The following C8orf34 variants were observed in gnomAD, a reference collection of about 807,000 sequenced individuals.
C8orf34 encodes the protein uncharacterized protein C8orf34.
Under a neutral mutation model 68.3 loss-of-function variants are expected in C8orf34, and 65 were observed. The observed-to-expected ratio is 0.95, with a 90% CI of 0.78 to 1.17. The LOEUF (loss-of-function observed/expected upper bound fraction) is 1.17, where lower values mean the gene tolerates loss of function less well. Ranked by LOEUF, C8orf34 falls within the 50% of genes most tolerant of loss-of-function variation. C8orf34 has a pLI of 0.00. For synonymous variants in C8orf34, 244 were observed against 241.2 expected (o/e 1.01, Z -0.11); for missense variants, 664 against 655.4 (o/e 1.01, Z -0.14).
intron 1 of C8orf34, among the ~76,000 whole-genome samples, chr8:68,422,665 C>T (rs893056754): frequency 1.3e-5 from 2 of 152,232 alleles, no homozygotes; most frequent in African/African-American, 2.4e-5. Flanking sequence ...TCTCACAGCT[C>T]CACTAGGCAG....
chr8:68,466,807 T>C (rs1175422680), intron 3 of C8orf34, among the ~76,000 whole-genome samples: 1 of 148,036 alleles, frequency 6.8e-6, no homozygotes, highest in East Asian at 1.9e-4. Flanking sequence ...AGACATAAGA[T>C]TGCTAGGTCA....
chr8:68,503,467 A>T (rs1012858185), intron 5 of C8orf34, among the ~76,000 whole-genome samples: 1 of 152,120 alleles, frequency 6.6e-6, no homozygotes, highest in African/African-American at 2.4e-5. Flanking sequence ...TGTGGGTACA[A>T]AGGCATTCAT....
chr8:68,408,249 C>A (rs1809286283), intron 1 of C8orf34, among the ~76,000 whole-genome samples: 2 of 151,506 alleles, frequency 1.3e-5, no homozygotes, highest in African/African-American at 4.9e-5. Flanking sequence ...CCCATCACCC[C>A]CAGATGGGAC....
intron 10 of C8orf34, among the ~76,000 whole-genome samples, chr8:68,765,617 G>A (rs995249903): frequency 6.6e-6 from 1 of 152,040 alleles, no homozygotes; most frequent in Admixed American, 6.6e-5. Flanking sequence ...TTTCTTAGAC[G>A]ATTGGTTATG....
chr8:68,686,434 A>G (rs1432297871), intron 8 of C8orf34, among the ~76,000 whole-genome samples: 2 of 152,174 alleles, frequency 1.3e-5, no homozygotes, highest in African/African-American at 4.8e-5. Context: ...GCAATACATC[A>G]TGATCAAGTG....
intron 7 of C8orf34, among the ~76,000 whole-genome samples, chr8:68,562,495 T>C (rs905461422): frequency 6.6e-6 from 1 of 152,200 alleles, no homozygotes; most frequent in African/African-American, 2.4e-5. Flanking sequence ...CTGAGATTAT[T>C]TGGAAGTTAG....
At chr8:68,435,811 T>C (rs1810641655) in intron 1 of C8orf34, among the ~76,000 whole-genome samples, 1 of 152,194 alleles carries the variant, frequency 6.6e-6, no homozygotes, top group Admixed American at 6.5e-5. Context: ...TTGTAGTCGT[T>C]ATCTTATTTA....
rs148205627 is a variant in C8orf34 at position 68,815,395 on chromosome 8, T to C, written c.1550-491T>C. Among the ~76,000 whole-genome samples the C allele has an allele frequency of 5.3e-4, 81 of 152,204 alleles. 2 individuals carry two copies. Among genetic ancestry groups the C allele is most frequent in the African/African-American group, 1.8e-3 (76 of 41,538 alleles). ...ATATACACATACACAGACACACACA[T>C]ATATATACTACCTCATGAAATCATA... On this transcript the variant is annotated intron_variant, in intron 12 of 13. Transcript: ENST00000518698.
chr8:68,636,399 C>A (rs555439853), intron 7 of C8orf34, among the ~76,000 whole-genome samples: 390 of 147,108 alleles, frequency 2.7e-3, no homozygotes, highest in African/African-American at 8.7e-3. Context: ...CACAGTGAAA[C>A]CCTGCCTCTA....
chr8:68,733,129 T>C (rs1159972163), intron 10 of C8orf34, among the ~76,000 whole-genome samples: 3 of 150,666 alleles, frequency 2.0e-5, no homozygotes, highest in Non-Finnish European at 3.0e-5. Flanking sequence ...TCTTTATTAA[T>C]TTGAACTTTT....
chr8:68,380,902 T>C (rs950988304), intron 1 of C8orf34, among the ~76,000 whole-genome samples: 3 of 152,202 alleles, frequency 2.0e-5, no homozygotes, highest in African/African-American at 4.8e-5. Flanking sequence ...TGTGTTCCAT[T>C]ATGCCCTGAG....
intron 5 of C8orf34, among the ~76,000 whole-genome samples, chr8:68,495,145 G>A (rs1813473460): frequency 2.0e-5 from 3 of 151,542 alleles, no homozygotes; most frequent in Non-Finnish European, 4.4e-5. Flanking sequence ...AGAGTACTTA[G>A]AGCAATAGGC....
At chr8:68,587,414 A>C (rs1172640966) in intron 7 of C8orf34, among the ~76,000 whole-genome samples, 1 of 152,100 alleles carries the variant, frequency 6.6e-6, no homozygotes, top group Non-Finnish European at 1.5e-5. Context: ...AGTTTATAGA[A>C]TCTGTGTTGG....
chr8:68,423,018 C>T (rs991395510), intron 1 of C8orf34, among the ~76,000 whole-genome samples: 4 of 152,226 alleles, frequency 2.6e-5, no homozygotes, highest in African/African-American at 9.6e-5. Context: ...AGCAGGGAGA[C>T]CCTGAGCCTG....
At chr8:68,677,924 T>C (rs972788538) in intron 8 of C8orf34, among the ~76,000 whole-genome samples, 1 of 152,040 alleles carries the variant, frequency 6.6e-6, no homozygotes, top group African/African-American at 2.4e-5. Flanking sequence ...ATTGCAGAAA[T>C]TCAAAGGATT....
chr8:68,724,709 C>CAAAA, intron 10 of C8orf34, among the ~76,000 whole-genome samples: 1 of 152,076 alleles, frequency 6.6e-6, no homozygotes, highest in Non-Finnish European at 1.5e-5. Flanking sequence ...ATTTAGTAAA[C>CAAAA]CAACAAAAAG....
intron 2 of C8orf34, among the ~76,000 whole-genome samples, chr8:68,445,107 A>C (rs951589029): frequency 6.6e-6 from 1 of 152,184 alleles, no homozygotes; most frequent in Non-Finnish European, 1.5e-5. Flanking sequence ...ACAAATATTT[A>C]TGTTCCTAAT....
intron 12 of C8orf34, 61 bp from the exon 13 acceptor site, chr8:68,815,825 G>T (rs762717718): frequency 2.7e-4 from 429 of 1,612,668 alleles, no homozygotes; most frequent in Non-Finnish European, 3.5e-4. Flanking sequence ...GCTAGGGAAT[G>T]GTATTTAATC....
chr8:68,807,831 GA>G (rs1239602769), intron 12 of C8orf34, among the ~76,000 whole-genome samples: 2 of 152,154 alleles, frequency 1.3e-5, no homozygotes, highest in African/African-American at 4.8e-5. Flanking sequence ...AAATAAAAAA[GA>G]AAAAAGATTT....
Sources: allele counts gnomAD v4.1 joint callset (sites outside exome capture counted in the v4.1 genomes callset), GRCh38; gene constraint gnomAD v4.1.1; transcripts MANE v1.5; gene names NCBI Gene and HGNC (gene_info 2026-07-23, HGNC 2026-07-21).